EVC: variants seen among roughly 807,000 people sequenced by gnomAD.
EVC encodes EvC ciliary complex subunit 1.
EVC carries 116 observed loss-of-function variants against 118.9 expected under a neutral mutation model. The ratio of observed to expected loss-of-function variants is 0.98; its 90% CI spans 0.84 to 1.14. The LOEUF (loss-of-function observed/expected upper bound fraction) is 1.14. EVC is among the 50% of genes most tolerant of loss of function. EVC has a pLI of 0.00. For missense variants in EVC, 1,401 were observed against 1,246.4 expected (o/e 1.12, Z -1.87); for synonymous variants, 619 against 534.7 (o/e 1.16, Z -2.18).
intron 2 of EVC, among the ~76,000 whole-genome samples, chr4:5,725,116 C>T: frequency 6.6e-6 from 1 of 152,138 alleles, no homozygotes; most frequent in Non-Finnish European, 1.5e-5. Context: ...TTTCTTTATC[C>T]ACTCTATCAG....
rs1005131194 is a variant in EVC at position 5,811,613 on chromosome 4, C to A, written c.*576C>A. 5.9e-6 allele frequency: 1 copy of A among 169,256 alleles called. No individual in the cohort carries two copies. Among genetic ancestry groups the A allele is most frequent in the African/African-American group, 2.4e-5 (1 of 41,590 alleles). The allele number at this position is 169,256 out of a possible 1,614,324, so 10.5% of individuals were successfully genotyped here. ...AGATGCTGAGAGCATCCAGAAACTT[C>A]CAGACCAGCCCTCTCACCACACCCA... On this transcript the variant is annotated 3_prime_UTR_variant, in exon 21 of 21. Coordinates refer to ENST00000264956, the MANE Select transcript of EVC (RefSeq NM_153717.3).
chr4:5,718,923 G>A (rs1724452957), intron 1 of EVC, among the ~76,000 whole-genome samples: 1 of 152,140 alleles, frequency 6.6e-6, no homozygotes, highest in Non-Finnish European at 1.5e-5. Context: ...CAGTCCAATG[G>A]GGTCCCCAAC....
chr4:5,768,438 G>A (rs1387054257), intron 11 of EVC, among the ~76,000 whole-genome samples: 8 of 152,034 alleles, frequency 5.3e-5, no homozygotes, highest in Non-Finnish European at 1.0e-4. Context: ...TTGTTTGGAC[G>A]ATCAATATCC....
Position 5,810,990 on chromosome 4 carries a change from G to A in EVC, c.2932G>A (p.Asp978Asn), listed in dbSNP as rs150173231. The change falls in exon 21 of 21, where the codon GAC becomes AAC. Residue 978 changes from aspartate to asparagine, a missense_variant. Asp to Asn is a conservative substitution (Grantham distance 23, BLOSUM62 1). Transcript: ENST00000264956. Reference protein sequence around the residue: ...RLSQQESEAGDSGNSKKMLKR... With the variant: ...RLSQQESEAGNSGNSKKMLKR... The stretch of plus-strand genomic sequence containing the variant: ...GAGTCAGCAAGAAAGTGAAGCTGGG[G>A]ACAGTGGGAACTCAAAGAAGATGCT... The A allele has an allele frequency of 1.2e-4, 197 of 1,613,068 alleles. No homozygotes were observed. The highest frequency in any genetic ancestry group is 1.4e-4 in the Non-Finnish European group (163 of 1,179,552).
At chr4:5,716,973 G>A (rs1042526947) in intron 1 of EVC, among the ~76,000 whole-genome samples, 2 of 152,070 alleles carry the variant, frequency 1.3e-5, no homozygotes, top group African/African-American at 4.8e-5. Flanking sequence ...GATGGTGTTG[G>A]TGAAAGTCAT....
the EVC span, among the ~76,000 whole-genome samples, chr4:5,822,493 AGG>A: frequency 0.13 from 17,785 of 134,148 alleles, 1,594 homozygotes; most frequent in African/African-American, 0.26. Context: ...GTGGATCTGA[AGG>A]GGGGGGGGGT....
rs141896077 is a variant in EVC at position 5,756,339 on chromosome 4, G to A, written c.1540G>A (p.Glu514Lys). Residue 514 changes from glutamate to lysine, a missense_variant, in exon 11 of 21, where the codon GAG becomes AAG. By Grantham distance (56) the Glu-to-Lys change is moderately conservative (BLOSUM62 1). Transcript: ENST00000264956. The surrounding 1 kb of genome is among the most constrained non-coding windows in gnomAD (Gnocchi z 4.2). ...LEEEENVRATEAVVALCQELY... is the reference protein window; with the variant it reads ...LEEEENVRATKAVVALCQELY... ...GGAAGAGGAGAATGTCAGAGCCACC[G>A]AGGCTGTGGTTGCACTCTGCCAGGT... is the stretch of plus-strand genomic sequence containing the variant. 1.6e-4 allele frequency: 262 copies of A among 1,611,364 alleles called. No homozygotes were observed. Among genetic ancestry groups the A allele is most frequent in the African/African-American group, 1.2e-3 (89 of 75,006 alleles).
intron 13 of EVC, among the ~76,000 whole-genome samples, chr4:5,795,228 C>T (rs1217101369): frequency 6.6e-6 from 1 of 152,152 alleles, no homozygotes; most frequent in Admixed American, 6.5e-5. Flanking sequence ...AATTTATTTT[C>T]AATTTATTTT....
chr4:5,822,992 A>G, the EVC span, among the ~76,000 whole-genome samples: 1 of 152,042 alleles, frequency 6.6e-6, no homozygotes, highest in Non-Finnish European at 1.5e-5. Context: ...ACCCTTTCAT[A>G]CTTTTTCTAA....
rs550295462 is a variant in EVC, at chr4:5,756,730, G to A, written c.1563+368G>A. Among the ~76,000 whole-genome samples, 8 of 152,282 alleles carry A rather than the reference G, an allele frequency of 5.3e-5. No individual in the cohort carries two copies. The East Asian group carries it at 1.5e-3, about 29-fold the overall frequency. ...AAGAAGGGGTTCTGGGCTGAAATGG[G>A]GACGTCAGAGATCACATGCCACACC... is the stretch of plus-strand genomic sequence containing the variant. On this transcript the variant is annotated intron_variant, in intron 11 of 20. Transcript: ENST00000264956. The surrounding 1 kb of genome is among the most constrained non-coding windows in gnomAD (Gnocchi z 4.2).
chr4:5,727,833 CTTTCCGCATT>C (rs1160333897), intron 2 of EVC, among the ~76,000 whole-genome samples: 2 of 145,896 alleles, frequency 1.4e-5, no homozygotes, highest in Admixed American at 1.4e-4. Context: ...ATAGGGAATC[CTTTCCGCATT>C]GCTTGTTTTT....
In EVC at chr4:5,783,744, C is replaced by T; in HGVS notation, c.1756C>T (p.Leu586Phe). The T allele has an allele frequency of 6.2e-7, 1 of 1,612,864 alleles. No individual in the cohort carries two copies. Among genetic ancestry groups the T allele is most frequent in the Non-Finnish European group, 8.5e-7 (1 of 1,179,444 alleles). The change falls in exon 12 of 21, where the codon CTC becomes TTC. Residue 586 changes from leucine (L) to phenylalanine (F), a missense_variant. By Grantham distance (22) the Leu-to-Phe change is conservative. Transcript: ENST00000264956. ...RRQQWKLFQELLEQDQQVWME... is the reference protein window; with the variant it reads ...RRQQWKLFQEFLEQDQQVWME... Reference sequence around the variant, plus strand: ...GCAGCAGTGGAAACTCTTCCAGGAGCTCCTAGAGCAAGACCAGCAGGTGCG... The same window carrying T: ...GCAGCAGTGGAAACTCTTCCAGGAGTTCCTAGAGCAAGACCAGCAGGTGCG...
At chr4:5,777,206 C>G (rs1401897777) in intron 11 of EVC, among the ~76,000 whole-genome samples, 1 of 152,198 alleles carries the variant, frequency 6.6e-6, no homozygotes, top group Non-Finnish European at 1.5e-5. Flanking sequence ...ATCAGCACCT[C>G]TAGTGATCCA....
At chr4:5,711,585 G>T (rs2276874) in intron 1 of EVC, 31 bp downstream of exon 1, 2 of 1,167,964 alleles carry the variant, frequency 1.7e-6, no homozygotes, top group South Asian at 8.6e-5. Context: ...GCGGCGGGGC[G>T]GGGAGCGCGG....
chr4:5,824,245 A>C, the EVC span: 1 of 973,184 alleles, frequency 1.0e-6, no homozygotes, highest in Non-Finnish European at 1.2e-6. Flanking sequence ...GCTTTTTCCC[A>C]GGATGAAGCC....
At position 5,742,738 on chromosome 4, in the gene EVC, A is replaced by C. The variant is rs774926056; in HGVS notation, c.801+924A>C. Among the ~76,000 whole-genome samples, 1 of 152,098 alleles carries C rather than the reference A, an allele frequency of 6.6e-6. No homozygotes were observed. The highest frequency in any genetic ancestry group is 2.4e-5 in the African/African-American group (1 of 41,432). On this transcript the variant is annotated intron_variant, in intron 6 of 20. Coordinates refer to ENST00000264956, the MANE Select transcript of EVC (RefSeq NM_153717.3). This position sits in a 1 kb window ranked among gnomAD's most constrained non-coding sequence, Gnocchi z 5.2. ...CATCATCATCTTCATTACCACCATAATCATCATCACCATCCTTATTGCCAT... is the reference window on the plus strand; with the variant it reads ...CATCATCATCTTCATTACCACCATACTCATCATCACCATCCTTATTGCCAT...
intron 2 of EVC, among the ~76,000 whole-genome samples, chr4:5,726,874 A>T (rs1725942439): frequency 6.6e-6 from 1 of 151,526 alleles, no homozygotes; most frequent in South Asian, 2.1e-4. Context: ...TTCCAATTTC[A>T]TCCATGTCCC....
At chr4:5,815,602 G>A (rs1717546715), downstream of EVC, among the ~76,000 whole-genome samples, 2 of 152,154 alleles carry the variant, frequency 1.3e-5, no homozygotes, top group South Asian at 4.1e-4. Flanking sequence ...CCCCAGAGAA[G>A]AATAAAAGAG....
rs1223370831 is a variant in EVC, at chr4:5,737,447, T to C, written c.702+4012T>C. On this transcript the variant is annotated intron_variant, in intron 5 of 20. Transcript: ENST00000264956. The surrounding 1 kb of genome is among the most constrained non-coding windows in gnomAD (Gnocchi z 5.0). ...CAGATGAAATAGCACAATATGGTCATGGAAGAAGATGCCATCTAAGACTTC... is the reference window on the plus strand; with the variant it reads ...CAGATGAAATAGCACAATATGGTCACGGAAGAAGATGCCATCTAAGACTTC... Among the ~76,000 whole-genome samples, 3 of 152,222 alleles carry C rather than the reference T, an allele frequency of 2.0e-5. No individual in the cohort carries two copies. The highest frequency in any genetic ancestry group is 7.2e-5 in the African/African-American group (3 of 41,452).
Sources: gnomAD v4.1 joint callset for allele counts (sites outside exome capture counted in the v4.1 genomes callset) on GRCh38, gnomAD v4.1.1 for gene constraint, Gnocchi (gnomAD v3.1) non-coding constraint, MANE v1.5 for transcripts, NCBI Gene and HGNC (gene_info 2026-07-23, HGNC 2026-07-21) for gene names.